ALPK1: variants seen among roughly 807,000 people sequenced by gnomAD.
The protein encoded by ALPK1 is alpha-protein kinase 1.
In ALPK1, 110 loss-of-function variants were observed where a neutral mutation model predicts 120.6. The ratio of observed to expected loss-of-function variants is 0.91; its 90% confidence interval spans 0.78 to 1.07. The LOEUF is 1.07. Among genes scored for constraint, ALPK1 ranks in the 50% least tolerant of loss-of-function variants. ALPK1 has a pLI of 0.00. For missense variants in ALPK1, 1,498 were observed against 1,483.9 expected (o/e 1.01, Z -0.16); for synonymous variants, 582 against 560.3 (o/e 1.04, Z -0.55).
In ALPK1 at chr4:112,442,406, G is replaced by A. The variant is rs1735073593; in HGVS notation, c.*1196G>A. 1 of 152,140 alleles carries A rather than the reference G, an allele frequency of 6.6e-6. No homozygotes were observed. The highest frequency in any genetic ancestry group is 2.4e-5 in the African/African-American group (1 of 41,434). 9.4% of individuals were successfully genotyped at this position (152,140 alleles called of 1,614,324 possible). ...CACTTGTTCTCACTTATAGGTGAGA[G>A]CTAAGTGATGAGAGTAGGTGGACAC... On this transcript the variant is annotated 3_prime_UTR_variant, in exon 16 of 16. Coordinates refer to ENST00000650871, the MANE Select transcript of ALPK1 (RefSeq NM_025144.4).
intron 2 of ALPK1, among the ~76,000 whole-genome samples, chr4:112,342,509 T>A (rs941386841): frequency 5.9e-5 from 9 of 152,228 alleles, no homozygotes; most frequent in Non-Finnish European, 1.2e-4. Flanking sequence ...AATTTCAAAA[T>A]CTTATATATT....
chr4:112,346,404 G>A (rs1264993282), intron 2 of ALPK1, among the ~76,000 whole-genome samples: 1 of 152,140 alleles, frequency 6.6e-6, no homozygotes, highest in African/African-American at 2.4e-5. Flanking sequence ...TGGTTGACAC[G>A]TTTTGTGATA....
At chr4:112,339,711 T>C (rs747021920) in intron 2 of ALPK1, among the ~76,000 whole-genome samples, 1 of 152,220 alleles carries the variant, frequency 6.6e-6, no homozygotes, top group Non-Finnish European at 1.5e-5. Flanking sequence ...CAGTTGGATA[T>C]AGTCAGCTGA....
Position 112,362,399 on chromosome 4 carries a change from A to G in ALPK1, c.-100-15279A>G, listed in dbSNP as rs537767581. On this transcript the variant is annotated intron_variant, in intron 2 of 15. Transcript: ENST00000650871. Reference sequence around the variant, plus strand: ...ATAGCATAAATAAAAAACAACCACAACTTCTGGAAATCAAGGACACACTTA... The same window carrying G: ...ATAGCATAAATAAAAAACAACCACAGCTTCTGGAAATCAAGGACACACTTA... Among the ~76,000 whole-genome samples, 212 of 152,310 alleles carry G rather than the reference A, an allele frequency of 1.4e-3. 1 individual carries two copies. The highest frequency in any genetic ancestry group is 1.4e-3 in the Non-Finnish European group (94 of 68,032).
Position 112,438,567 on chromosome 4 carries a change from A to G in ALPK1, c.3272A>G (p.Tyr1091Cys), listed in dbSNP as rs1160843571. The G allele has an allele frequency of 1.4e-5, 22 of 1,613,918 alleles. No homozygotes were observed. The highest frequency in any genetic ancestry group is 1.8e-5 in the Non-Finnish European group (21 of 1,179,832). The change falls in exon 13 of 16, where the codon TAT (tyrosine) becomes TGT (cysteine). Residue 1091 changes from tyrosine (Y) to cysteine (C), a missense_variant. Coordinates refer to ENST00000650871, the MANE Select transcript of ALPK1 (RefSeq NM_025144.4). ...DVERQMTAQH[Y>C]VTEFNKRLYE... ...GAGCGACAGATGACCGCACAGCACTATGTGACAGAATTTAACAAGAGACTC... is the reference window on the plus strand; with the variant it reads ...GAGCGACAGATGACCGCACAGCACTGTGTGACAGAATTTAACAAGAGACTC...
chr4:112,437,825 TG>T (rs1272876954), intron 12 of ALPK1, among the ~76,000 whole-genome samples: 1 of 152,214 alleles, frequency 6.6e-6, no homozygotes, highest in Non-Finnish European at 1.5e-5. Context: ...GTGGTCACTC[TG>T]GGCACATGTG....
Position 112,356,828 on chromosome 4 carries a change from A to G in ALPK1, c.-100-20850A>G, listed in dbSNP as rs1038418031. ...ATACAGTTAGTTGTTGGATGCCAAG[A>G]GCCGCAGAGCACACAACATTGACCT... On this transcript the variant is annotated intron_variant, in intron 2 of 15. Transcript: ENST00000650871. 6 of 727,584 alleles carry G rather than the reference A, an allele frequency of 8.2e-6. No individual in the cohort carries two copies. The Admixed American group carries it at 8.7e-5, about 11-fold the overall frequency. 45.1% of individuals were successfully genotyped at this position (727,584 alleles called of 1,614,324 possible).
chr4:112,347,343 C>T (rs1044420631), intron 2 of ALPK1, among the ~76,000 whole-genome samples: 1 of 152,214 alleles, frequency 6.6e-6, no homozygotes, highest in Non-Finnish European at 1.5e-5. Context: ...TGAACTTTGA[C>T]AAATCACTGA....
chr4:112,341,414 A>G (rs772586040), intron 2 of ALPK1, among the ~76,000 whole-genome samples: 2 of 152,216 alleles, frequency 1.3e-5, no homozygotes, highest in Non-Finnish European at 2.9e-5. Flanking sequence ...CCATTTTCAG[A>G]TAAAGATAAT....
intron 2 of ALPK1, among the ~76,000 whole-genome samples, chr4:112,324,187 C>A (rs755347745): frequency 2.0e-5 from 3 of 151,994 alleles, no homozygotes; most frequent in Non-Finnish European, 4.4e-5. Flanking sequence ...ATTAGCAGGG[C>A]ATGGTGGCAG....
chr4:112,358,199 G>A (rs762403265), intron 2 of ALPK1: 9 of 613,922 alleles, frequency 1.5e-5, no homozygotes, highest in South Asian at 1.2e-4. Flanking sequence ...GCACTGCCAG[G>A]ACAACAGGGC....
In ALPK1 at chr4:112,333,155, G is replaced by A. The variant is rs151098858; in HGVS notation, c.-101+17303G>A. On this transcript the variant is annotated intron_variant, in intron 2 of 15. Coordinates refer to ENST00000650871, the MANE Select transcript of ALPK1 (RefSeq NM_025144.4). ...GTACTGCCCATGTATTAAAGCTGAA[G>A]CTAAAGGTCCTTGCAGGTCAAACCA... Among the ~76,000 whole-genome samples the A allele has an allele frequency of 5.9e-5, 9 of 152,324 alleles. No homozygotes were observed. The East Asian group carries it at 1.5e-3, about 26-fold the overall frequency.
Position 112,430,574 on chromosome 4 carries a change from G to T in ALPK1, c.1027G>T (p.Glu343Ter), listed in dbSNP as rs757742050. 1.2e-6 allele frequency: 2 copies of T among 1,614,186 alleles called. No individual in the cohort carries two copies. Among genetic ancestry groups the T allele is most frequent in the Non-Finnish European group, 1.7e-6 (2 of 1,180,026 alleles). ...EIGLLTKRDD[E>*]PVTGKQELHS... ...TGGCCTCCTCACCAAGAGAGATGAT[G>T]AGCCTGTTACTGGAAAACAGGAGCT... is the stretch of plus-strand genomic sequence containing the variant. Residue 343 changes from glutamate to a stop codon, truncating the protein, a stop_gained, in exon 11 of 16, where the codon GAG (glutamate) becomes TAG (stop). Transcript: ENST00000650871. LOFTEE classifies it high-confidence loss of function.
intron 3 of ALPK1, among the ~76,000 whole-genome samples, chr4:112,378,389 A>G (rs998626944): frequency 2.0e-5 from 3 of 152,212 alleles, no homozygotes; most frequent in African/African-American, 7.2e-5. Flanking sequence ...CATTTGTAAA[A>G]TAAATTCTCT....
chr4:112,312,804 T>C (rs1359543944), intron 1 of ALPK1, among the ~76,000 whole-genome samples: 1 of 152,184 alleles, frequency 6.6e-6, no homozygotes, highest in Non-Finnish European at 1.5e-5. Flanking sequence ...CCACAGTGTC[T>C]CAACACAGTT....
chr4:112,404,191 T>C (rs964857809), intron 4 of ALPK1, among the ~76,000 whole-genome samples: 4 of 152,240 alleles, frequency 2.6e-5, no homozygotes, highest in African/African-American at 9.6e-5. Flanking sequence ...TTGTAGATGT[T>C]ACATGCATGA....
At chr4:112,425,095 C>CT (rs1294332118) in intron 6 of ALPK1, 2 of 152,310 alleles carry the variant, frequency 1.3e-5, no homozygotes, top group Non-Finnish European at 2.9e-5. Flanking sequence ...AAAGGAGCAG[C>CT]TTAGGTGCTA....
chr4:112,357,954 C>A (rs545916665), intron 2 of ALPK1: 1 of 757,408 alleles, frequency 1.3e-6, no homozygotes, highest in East Asian at 2.7e-5. Context: ...TTGCCTCCCC[C>A]GGGGTCTACC....
At chr4:112,411,693 C>T (rs2148749059) in intron 4 of ALPK1, 134 bp from the exon 5 acceptor site, 2 of 784,114 alleles carry the variant, frequency 2.6e-6, no homozygotes, top group East Asian at 2.7e-5. Context: ...TTCGGTTCAG[C>T]TGCCTAACAA....
Sources: allele counts gnomAD v4.1 joint callset (sites outside exome capture counted in the v4.1 genomes callset), GRCh38; gene constraint gnomAD v4.1.1; transcripts MANE v1.5; gene names NCBI Gene and HGNC (gene_info 2026-07-23, HGNC 2026-07-21).